The following SORBS2 variants were observed in gnomAD, a reference collection of about 807,000 sequenced individuals.
The protein encoded by SORBS2 is sorbin and SH3 domain containing 2.
Under a neutral mutation model 97.7 loss-of-function variants are expected in SORBS2, and 46 were observed. That is an observed-to-expected ratio of 0.47 (90% CI 0.37 to 0.60). SORBS2 has a LOEUF of 0.60. SORBS2 is among the 20% of genes least tolerant of loss of function. The pLI is 0.00. For synonymous variants in SORBS2, 476 were observed against 473.4 expected (o/e 1.01, Z -0.07); for missense variants, 1,316 against 1,282.3 (o/e 1.03, Z -0.40).
chr4:185,789,783 TAGA>T (rs1391699660), intron 1 of SORBS2, among the ~76,000 whole-genome samples: 1 of 152,182 alleles, frequency 6.6e-6, no homozygotes, highest in African/African-American at 2.4e-5. Context: ...TTTTAAGCAT[TAGA>T]AGTTTTTGAA....
chr4:185,718,249 T>A (rs1476386984), intron 2 of SORBS2, among the ~76,000 whole-genome samples: 4 of 151,902 alleles, frequency 2.6e-5, no homozygotes, highest in Non-Finnish European at 5.9e-5. Flanking sequence ...AAAGAAAATA[T>A]GTAATATACT....
intron 1 of SORBS2, among the ~76,000 whole-genome samples, chr4:185,786,519 C>T (rs1001083610): frequency 6.6e-6 from 1 of 152,152 alleles, no homozygotes; most frequent in Non-Finnish European, 1.5e-5. Flanking sequence ...AGAAGTATCC[C>T]TCTATCACAG....
At chr4:185,933,056 A>C (rs567872201) in intron 1 of SORBS2, 6 of 152,330 alleles carry the variant, frequency 3.9e-5, no homozygotes, top group African/African-American at 1.4e-4. Context: ...GATCCCAGGC[A>C]GTCCAGGCTA....
At chr4:185,756,520 C>T (rs919398618) in intron 2 of SORBS2, among the ~76,000 whole-genome samples, 1 of 152,102 alleles carries the variant, frequency 6.6e-6, no homozygotes, top group African/African-American at 2.4e-5. Flanking sequence ...AAGTACTATT[C>T]ATTGTTAATT....
chr4:185,888,317 G>T (rs973651484), intron 1 of SORBS2, among the ~76,000 whole-genome samples: 2 of 152,104 alleles, frequency 1.3e-5, no homozygotes, highest in Admixed American at 1.3e-4. Context: ...CCCTAGAAAC[G>T]AGGGGTGGTG....
chr4:185,899,930 T>C (rs1410382376), intron 1 of SORBS2, among the ~76,000 whole-genome samples: 1 of 151,854 alleles, frequency 6.6e-6, no homozygotes, highest in Non-Finnish European at 1.5e-5. Flanking sequence ...CAGGTAAGGG[T>C]TGATCTAAGA....
intron 2 of SORBS2, among the ~76,000 whole-genome samples, chr4:185,769,573 C>T (rs1016306841): frequency 6.6e-6 from 1 of 152,170 alleles, no homozygotes; most frequent in Non-Finnish European, 1.5e-5. Flanking sequence ...TCACGGCAAC[C>T]TGTGCCTCCC....
chr4:185,851,782 A>C (rs1014524388), intron 1 of SORBS2, among the ~76,000 whole-genome samples: 1 of 152,146 alleles, frequency 6.6e-6, no homozygotes, highest in Admixed American at 6.6e-5. Context: ...TCTTTCTCCC[A>C]TGCTAGATGC....
At chr4:185,712,181 A>G (rs7689859) in intron 2 of SORBS2, among the ~76,000 whole-genome samples, 19 of 152,028 alleles carry the variant, frequency 1.2e-4, no homozygotes, top group African/African-American at 4.6e-4. Flanking sequence ...ACCTATAACC[A>G]TGCCCCACCC....
chr4:185,856,496 CT>C (rs2099220606), intron 1 of SORBS2, among the ~76,000 whole-genome samples: 1 of 152,098 alleles, frequency 6.6e-6, no homozygotes, highest in Non-Finnish European at 1.5e-5. Context: ...CAGCTAAATC[CT>C]TTGTGAGCTT....
At chr4:185,756,575 A>C (rs1236496336) in intron 2 of SORBS2, among the ~76,000 whole-genome samples, 1 of 152,220 alleles carries the variant, frequency 6.6e-6, no homozygotes, top group African/African-American at 2.4e-5. Flanking sequence ...TCAGTCTATA[A>C]AAATGTATCT....
chr4:185,636,828 T>C (rs1011148275), intron 4 of SORBS2, among the ~76,000 whole-genome samples: 1 of 152,144 alleles, frequency 6.6e-6, no homozygotes, highest in African/African-American at 2.4e-5. Context: ...TTTGTATTTT[T>C]AGCAGAGACG....
intron 2 of SORBS2, among the ~76,000 whole-genome samples, chr4:185,706,051 T>A (rs915027759): frequency 7.6e-5 from 5 of 65,540 alleles, no homozygotes; most frequent in Non-Finnish European, 2.2e-4. Flanking sequence ...GGCAGGATGA[T>A]TTTGTTTGAG....
chr4:185,875,648 T>A (rs914356418), intron 1 of SORBS2, among the ~76,000 whole-genome samples: 2 of 152,204 alleles, frequency 1.3e-5, no homozygotes, highest in African/African-American at 4.8e-5. Context: ...AATATGAAAG[T>A]CTCCCTCCTG....
At chr4:185,698,501 G>GAAACA (rs1288358941) in intron 2 of SORBS2, among the ~76,000 whole-genome samples, 1 of 149,814 alleles carries the variant, frequency 6.7e-6, no homozygotes, top group Non-Finnish European at 1.5e-5. Context: ...TCAAAAAAAT[G>GAAACA]AAACAAAACA....
intron 2 of SORBS2, among the ~76,000 whole-genome samples, chr4:185,714,453 CTT>C (rs11367790): frequency 1.3e-5 from 2 of 151,176 alleles, no homozygotes; most frequent in African/African-American, 2.4e-5. Flanking sequence ...TTAGTTTAGG[CTT>C]TTTTTTTTCA....
At chr4:185,667,576 T>C (rs1294489337) in intron 4 of SORBS2, among the ~76,000 whole-genome samples, 3 of 151,866 alleles carry the variant, frequency 2.0e-5, no homozygotes, top group Non-Finnish European at 4.4e-5. Context: ...AAGCATAACC[T>C]TAATCTAATG....
At chr4:185,668,677 T>C (rs1289541298) in intron 4 of SORBS2, among the ~76,000 whole-genome samples, 3 of 152,192 alleles carry the variant, frequency 2.0e-5, no homozygotes, top group Non-Finnish European at 4.4e-5. Context: ...GGCAGTATTT[T>C]CCCAATCTGG....
chr4:185,618,675 T>G, intron 8 of SORBS2, 44 bp from the exon 21 acceptor site: 1 of 1,362,578 alleles, frequency 7.3e-7, no homozygotes, highest in South Asian at 1.6e-5. Flanking sequence ...AAAATTTGAA[T>G]TTTCTACAAG....
Sources: gnomAD v4.1 joint callset for allele counts (sites outside exome capture counted in the v4.1 genomes callset) on GRCh38, gnomAD v4.1.1 for gene constraint, MANE v1.5 for transcripts, NCBI Gene and HGNC (gene_info 2026-07-23, HGNC 2026-07-21) for gene names.